Variants in DYNC1I2 observed in about 807,000 individuals in gnomAD.
The protein encoded by DYNC1I2 is cytoplasmic dynein 1 intermediate chain 2.
A neutral mutation model predicts 88.6 loss-of-function variants in DYNC1I2; 53 were observed. That is an observed-to-expected ratio of 0.60 (90% CI 0.48 to 0.75). DYNC1I2 has a LOEUF of 0.75. Ranked by LOEUF, DYNC1I2 falls within the 30% of genes least tolerant of loss-of-function variation. The pLI is 0.00. For missense variants in DYNC1I2, 458 were observed against 766.6 expected (o/e 0.60, Z 4.75); for synonymous variants, 198 against 254.6 (o/e 0.78, Z 2.12).
intron 2 of DYNC1I2, among the ~76,000 whole-genome samples, chr2:171,690,654 GTTT>G (rs1212125870): frequency 1.5e-5 from 2 of 136,062 alleles, no homozygotes; most frequent in Admixed American, 7.4e-5. Context: ...TTTGTTTTGG[GTTT>G]TTTTTTTTTT....
chr2:171,694,357 G>A (rs1335419448), intron 3 of DYNC1I2, among the ~76,000 whole-genome samples: 2 of 152,120 alleles, frequency 1.3e-5, no homozygotes, highest in African/African-American at 4.8e-5. Context: ...TACTGAGGCT[G>A]GGTAACTTGA....
intron 15 of DYNC1I2, 85 bp from the exon 16 acceptor site, chr2:171,743,964 A>G (rs1689616098): frequency 8.3e-7 from 1 of 1,204,600 alleles, no homozygotes; most frequent in Non-Finnish European, 1.1e-6. Context: ...TGTTGAATGT[A>G]TGTCATTTTT....
chr2:171,726,171 G>T, intron 9 of DYNC1I2, 23 bp from the exon 10 acceptor site: 3 of 1,592,974 alleles, frequency 1.9e-6, no homozygotes, highest in Non-Finnish European at 1.7e-6. Context: ...CATCTTTTTG[G>T]GGGGTTTGGT....
At chr2:171,722,388 G>A (rs1687957926) in intron 7 of DYNC1I2, among the ~76,000 whole-genome samples, 1 of 152,076 alleles carries the variant, frequency 6.6e-6, no homozygotes, top group Non-Finnish European at 1.5e-5. Context: ...TTACTGCTCA[G>A]TTTATAACCT....
chr2:171,730,786 G>C (rs1030306091), intron 15 of DYNC1I2, among the ~76,000 whole-genome samples: 1 of 151,594 alleles, frequency 6.6e-6, no homozygotes, highest in Non-Finnish European at 1.5e-5. Context: ...AGAGATCTTT[G>C]GTTCTTCAGT....
At chr2:171,702,441 C>T (rs991596268) in intron 3 of DYNC1I2, among the ~76,000 whole-genome samples, 2 of 152,132 alleles carry the variant, frequency 1.3e-5, no homozygotes, top group African/African-American at 2.4e-5. Context: ...CTGAAAAATA[C>T]AGGATACGGA....
intron 5 of DYNC1I2, among the ~76,000 whole-genome samples, chr2:171,712,088 A>G (rs142957890): frequency 8.2e-4 from 125 of 152,346 alleles, no homozygotes; most frequent in Middle Eastern, 3.4e-3. Context: ...TGAACATAAA[A>G]TATTTTTCCA....
At chr2:171,723,444 A>G (rs973889) in intron 7 of DYNC1I2, among the ~76,000 whole-genome samples, 44,102 of 151,404 alleles carry the variant, frequency 0.29, 6,704 homozygotes, top group African/African-American at 0.38. Context: ...TAGATGTCCT[A>G]TTATTCTAAA....
chr2:171,692,919 A>T, intron 3 of DYNC1I2, 25 bp downstream of exon 3: 1 of 1,493,654 alleles, frequency 6.7e-7, no homozygotes, highest in Non-Finnish European at 9.2e-7. Flanking sequence ...ATATCCATTT[A>T]TAAGAGATAG....
intron 3 of DYNC1I2, among the ~76,000 whole-genome samples, chr2:171,701,222 C>G (rs1337688743): frequency 6.6e-6 from 1 of 152,092 alleles, no homozygotes; most frequent in Non-Finnish European, 1.5e-5. Context: ...GTCTTGCTCT[C>G]TCTCCCGGGC....
intron 2 of DYNC1I2, among the ~76,000 whole-genome samples, chr2:171,691,550 T>C (rs1685406963): frequency 1.3e-5 from 2 of 152,208 alleles, no homozygotes; most frequent in Non-Finnish European, 2.9e-5. Context: ...TGTAAAGGCC[T>C]GTAATTGAAG....
intron 17 of DYNC1I2, among the ~76,000 whole-genome samples, chr2:171,746,499 A>G (rs991817337): frequency 1.3e-5 from 2 of 152,150 alleles, no homozygotes; most frequent in African/African-American, 2.4e-5. Context: ...TAGGGGTTAA[A>G]AAAGTGACCT....
chr2:171,717,910 A>C (rs1687625620), intron 7 of DYNC1I2, among the ~76,000 whole-genome samples: 1 of 151,946 alleles, frequency 6.6e-6, no homozygotes, highest in South Asian at 2.1e-4. Flanking sequence ...AACTATTTTG[A>C]GTAATGCCTA....
chr2:171,711,923 T>C (rs1687151586), intron 5 of DYNC1I2, among the ~76,000 whole-genome samples: 1 of 152,238 alleles, frequency 6.6e-6, no homozygotes, highest in South Asian at 2.1e-4. Flanking sequence ...TACATAATTA[T>C]CTTATATATT....
intron 15 of DYNC1I2, among the ~76,000 whole-genome samples, chr2:171,731,095 C>T (rs1309571554): frequency 6.6e-6 from 1 of 152,166 alleles, no homozygotes; most frequent in African/African-American, 2.4e-5. Context: ...AGGCACTTAC[C>T]AATGTTTAGT....
chr2:171,736,220 G>A (rs1442252188), intron 15 of DYNC1I2, among the ~76,000 whole-genome samples: 3 of 152,192 alleles, frequency 2.0e-5, no homozygotes, highest in African/African-American at 4.8e-5. Flanking sequence ...CGAGGCCTGC[G>A]CAGCAGCATT....
At position 171,741,987 on chromosome 2, in the gene DYNC1I2, C is replaced by T. The variant is rs1045404296; in HGVS notation, c.1537-2062C>T. Among the ~76,000 whole-genome samples, 3 of 150,440 alleles carry T rather than the reference C, an allele frequency of 2.0e-5. No homozygotes were observed. In the Admixed American group the frequency reaches 2.0e-4, roughly 10 times the overall value. ...ATCCCAGCTACTTGGGAGGCTGAGG[C>T]AGGAGAATCGCATGAACCCAGTGAG... is the stretch of plus-strand genomic sequence containing the variant. On this transcript the variant is annotated intron_variant, in intron 15 of 17. Transcript: ENST00000397119.
Position 171,712,562 on chromosome 2 carries a change from A to AG in DYNC1I2, c.336-203dup, listed in dbSNP as rs536700568. 136 of 505,688 alleles carry AG rather than the reference A, an allele frequency of 2.7e-4. No individual in the cohort carries two copies. In the East Asian group the frequency reaches 3.8e-3, roughly 14 times the overall value. The allele number at this position is 505,688 out of a possible 1,614,324, so 31.3% of individuals were successfully genotyped here. A position where few individuals can be genotyped will look rare whatever the true frequency, so the allele number is the denominator to read the frequency against. On this transcript the variant is annotated intron_variant, in intron 5 of 17. Coordinates refer to ENST00000397119, the MANE Select transcript of DYNC1I2 (RefSeq NM_001378.3). ...GTTGTATGCTTGCATCTTTAACCATAGGAAGCCTATTGCATGCACTAGATG... is the reference window on the plus strand; with the variant it reads ...GTTGTATGCTTGCATCTTTAACCATAGGGAAGCCTATTGCATGCACTAGATG...
intron 4 of DYNC1I2, 47 bp downstream of exon 4, chr2:171,706,611 C>T (rs1471733822): frequency 6.4e-7 from 1 of 1,567,590 alleles, no homozygotes; most frequent in Non-Finnish European, 8.8e-7. Flanking sequence ...GCATGCATCA[C>T]TTTATGTTAT....
Sources: gnomAD v4.1 joint callset for allele counts (sites outside exome capture counted in the v4.1 genomes callset) on GRCh38, gnomAD v4.1.1 for gene constraint, MANE v1.5 for transcripts, NCBI Gene and HGNC (gene_info 2026-07-23, HGNC 2026-07-21) for gene names.